The following RFPL4B variants were observed in gnomAD, a reference collection of about 807,000 sequenced individuals.
RFPL4B encodes the protein ret finger protein-like 4B.
For synonymous variants in RFPL4B, 118 were observed against 126.3 expected, an observed-to-expected ratio of 0.93 and a Z score of 0.44; for missense variants, 314 against 327.7, an observed-to-expected ratio of 0.96 and a Z score of 0.32.
At position 112,349,310 on chromosome 6, in the gene RFPL4B, T is replaced by G; in HGVS notation, c.-117T>G. On this transcript the variant is annotated 5_prime_UTR_variant, in exon 2 of 3. Transcript: ENST00000441065. Reference sequence around the variant, plus strand: ...GAGCAGCCAACACATCACCTGGAAGTCTTCAGACTAGGTAAGCTGCACTGT... The same window carrying G: ...GAGCAGCCAACACATCACCTGGAAGGCTTCAGACTAGGTAAGCTGCACTGT... 1 of 152,352 alleles carries G rather than the reference T, an allele frequency of 6.6e-6. No homozygotes were observed. Among genetic ancestry groups the G allele is most frequent in the Non-Finnish European group, 1.5e-5 (1 of 68,212 alleles). 9.4% of individuals were successfully genotyped at this position (152,352 alleles called of 1,614,324 possible). A position where few individuals can be genotyped will look rare whatever the true frequency, so the allele number is the denominator to read the frequency against.
chr6:112,347,483 C>T (rs977592874), intron 1 of RFPL4B, 76 bp downstream of exon 1: 3 of 152,154 alleles, frequency 2.0e-5, no homozygotes, highest in Admixed American at 2.0e-4. Flanking sequence ...TTTTCGAATG[C>T]CTTTAACTAT....
At position 112,350,768 on chromosome 6, in the gene RFPL4B, T is replaced by G. The variant is rs930943732; in HGVS notation, c.*268T>G. The G allele has an allele frequency of 2.8e-6, 1 of 359,630 alleles. No individual in the cohort carries two copies. The highest frequency in any genetic ancestry group is 5.3e-6 in the Non-Finnish European group (1 of 190,396). The allele number at this position is 359,630 out of a possible 1,614,324, so 22.3% of individuals were successfully genotyped here. On this transcript the variant is annotated 3_prime_UTR_variant, in exon 3 of 3. Transcript: ENST00000441065. Reference sequence around the variant, plus strand: ...TAGTCTGTAGATGCGGATAATTGTATCTCAGTCAAACAGCTGTGGTAATTA... The same window carrying G: ...TAGTCTGTAGATGCGGATAATTGTAGCTCAGTCAAACAGCTGTGGTAATTA...
chr6:112,347,367 T>C lies in RFPL4B; in HGVS notation c.-275T>C, dbSNP rs1472475833. 6.6e-6 allele frequency: 1 copy of C among 152,196 alleles called. No individual in the cohort carries two copies. The highest frequency in any genetic ancestry group is 1.5e-5 in the Non-Finnish European group (1 of 68,042). 9.4% of individuals were successfully genotyped at this position (152,196 alleles called of 1,614,324 possible). A position where few individuals can be genotyped will look rare whatever the true frequency, so the allele number is the denominator to read the frequency against. On this transcript the variant is annotated 5_prime_UTR_variant, in exon 1 of 3. Coordinates refer to ENST00000441065, the MANE Select transcript of RFPL4B (RefSeq NM_001013734.3). Reference sequence around the variant, plus strand: ...GGTCTGTAGAGGTAGAGACGTAGGCTTCGGATCTTTTAGAATTCTGCTGGA... The same window carrying C: ...GGTCTGTAGAGGTAGAGACGTAGGCCTCGGATCTTTTAGAATTCTGCTGGA...
Position 112,349,724 on chromosome 6 carries a change from C to T in RFPL4B, c.16C>T (p.Gln6Ter). ...CTTAAGAACCATGGCCAAACGCCTG[C>T]AAGCAGAGTTGTCCTGTCCAGTTTG... MAKRL[Q>*]AELSCPVCLD... Residue 6 changes from glutamine (Q) to a stop codon, truncating the protein, a stop_gained, in exon 3 of 3, where the codon CAA becomes TAA. Coordinates refer to ENST00000441065, the MANE Select transcript of RFPL4B (RefSeq NM_001013734.3). LOFTEE classifies it low-confidence loss of function (END_TRUNC). 1 of 1,613,478 alleles carries T rather than the reference C, an allele frequency of 6.2e-7. No individual in the cohort carries two copies. The highest frequency in any genetic ancestry group is 8.5e-7 in the Non-Finnish European group (1 of 1,179,516).
intron 2 of RFPL4B, 89 bp downstream of exon 2, chr6:112,349,410 T>C (rs1789121146): frequency 6.5e-6 from 1 of 153,438 alleles, no homozygotes; most frequent in African/African-American, 2.4e-5. Context: ...AAATCATTTT[T>C]ATCACCATGA....
chr6:112,350,265 C>T lies in RFPL4B; in HGVS notation c.557C>T (p.Ala186Val), dbSNP rs1377675667. The T allele has an allele frequency of 6.2e-7, 1 of 1,614,096 alleles. No individual in the cohort carries two copies. Among genetic ancestry groups the T allele is most frequent in the Non-Finnish European group, 8.5e-7 (1 of 1,180,032 alleles). Residue 186 changes from alanine (A) to valine (V), a missense_variant, in exon 3 of 3, where the codon GCA becomes GTA. Coordinates refer to ENST00000441065, the MANE Select transcript of RFPL4B (RefSeq NM_001013734.3). ...PEHGFWISMK[A>V]GAIHANTHLE... ...CATGGCTTCTGGATCAGCATGAAGG[C>T]AGGAGCAATCCATGCTAACACCCAC...
In RFPL4B at chr6:112,350,241, A is replaced by T. The variant is rs765031322; in HGVS notation, c.533A>T (p.His178Leu). The change falls in exon 3 of 3, where the codon CAT becomes CTT. Residue 178 changes from histidine to leucine, a missense_variant. Physicochemically the swap from His to Leu is moderately conservative, Grantham distance 99 (BLOSUM62 -3). Coordinates refer to ENST00000441065, the MANE Select transcript of RFPL4B (RefSeq NM_001013734.3). ...DRKSNDLFPE[H>L]GFWISMKAGA... is the part of the protein sequence containing the mutation. The stretch of plus-strand genomic sequence containing the variant: ...AAGAGCAATGATTTATTCCCTGAGC[A>T]TGGCTTCTGGATCAGCATGAAGGCA... The T allele has an allele frequency of 1.2e-6, 2 of 1,614,210 alleles. No individual in the cohort carries two copies. The highest frequency in any genetic ancestry group is 2.2e-5 in the East Asian group (1 of 44,884).
At chr6:112,347,751 G>T (rs752741183) in intron 1 of RFPL4B, among the ~76,000 whole-genome samples, 1 of 152,250 alleles carries the variant, frequency 6.6e-6, no homozygotes, top group African/African-American at 2.4e-5. Context: ...GGAGGCTGAG[G>T]TGGGTGGATC....
intron 2 of RFPL4B, 52 bp from the exon 3 acceptor site, chr6:112,349,552 A>C: frequency 3.4e-6 from 1 of 291,248 alleles, no homozygotes; most frequent in Non-Finnish European, 6.5e-6. Context: ...TAATTCATTT[A>C]TGTATGCCAA....
Position 112,350,550 on chromosome 6 carries a change from G to A in RFPL4B, c.*50G>A, listed in dbSNP as rs780658723. On this transcript the variant is annotated 3_prime_UTR_variant, in exon 3 of 3. Coordinates refer to ENST00000441065, the MANE Select transcript of RFPL4B (RefSeq NM_001013734.3). ...TTCTGAGAGGTGAAAGAGAATTTTGGCCTGAGAAAGGTCAGCATGATTGAG... is the reference window on the plus strand; with the variant it reads ...TTCTGAGAGGTGAAAGAGAATTTTGACCTGAGAAAGGTCAGCATGATTGAG... 1 of 1,438,302 alleles carries A rather than the reference G, an allele frequency of 7.0e-7. No individual in the cohort carries two copies. Among genetic ancestry groups the A allele is most frequent in the African/African-American group, 1.4e-5 (1 of 70,246 alleles). The allele number at this position is 1,438,302 out of a possible 1,614,324, so 89.1% of individuals were successfully genotyped here. A position where few individuals can be genotyped will look rare whatever the true frequency, so the allele number is the denominator to read the frequency against.
chr6:112,350,622 T>A lies in RFPL4B; in HGVS notation c.*122T>A. The A allele has an allele frequency of 1.3e-6, 1 of 770,306 alleles. No individual in the cohort carries two copies. The highest frequency in any genetic ancestry group is 2.0e-6 in the Non-Finnish European group (1 of 499,240). 47.7% of individuals were successfully genotyped at this position (770,306 alleles called of 1,614,324 possible). ...GCAAAGACTTGGTAAATTTTTAAAG[T>A]AGATTTTGTAGACTTTGTAGCAAAA... is the stretch of plus-strand genomic sequence containing the variant. On this transcript the variant is annotated 3_prime_UTR_variant, in exon 3 of 3. Transcript: ENST00000441065.
chr6:112,348,721 G>T (rs1437897786), intron 1 of RFPL4B, among the ~76,000 whole-genome samples: 2 of 152,096 alleles, frequency 1.3e-5, no homozygotes, highest in East Asian at 3.9e-4. Flanking sequence ...TTGGGTCATG[G>T]GTCTAGCCTG....
At chr6:112,349,381 T>C (rs1789120421) in intron 2 of RFPL4B, 60 bp downstream of exon 2, 2 of 153,146 alleles carry the variant, frequency 1.3e-5, no homozygotes, top group Non-Finnish European at 2.9e-5. Context: ...TGTGATTATC[T>C]AGAGTTTGAA....
rs755812798 is a variant in RFPL4B, at chr6:112,350,054, A to G, written c.346A>G (p.Ser116Gly). The stretch of plus-strand genomic sequence containing the variant: ...CCTTGTCTTCTCCAATGATCTAAGA[A>G]GCGCTCAGTGTAAGAAGATCCACCA... ...SLLVFSNDLRSAQCKKIHHDL... is the reference protein window; with the variant it reads ...SLLVFSNDLRGAQCKKIHHDL... Residue 116 changes from serine (S) to glycine (G), a missense_variant, in exon 3 of 3, where the codon AGC (serine) becomes GGC (glycine). Transcript: ENST00000441065. The G allele has an allele frequency of 1.1e-5, 18 of 1,614,196 alleles. No individual in the cohort carries two copies. The South Asian group carries it at 1.5e-4, about 14-fold the overall frequency.
At position 112,350,192 on chromosome 6, in the gene RFPL4B, G is replaced by C. The variant is rs149053311; in HGVS notation, c.484G>C (p.Val162Leu). 1.2e-6 allele frequency: 2 copies of C among 1,614,180 alleles called. No homozygotes were observed. The highest frequency in any genetic ancestry group is 1.7e-6 in the Non-Finnish European group (2 of 1,180,048). Residue 162 changes from valine (V) to leucine (L), a missense_variant, in exon 3 of 3, where the codon GTC becomes CTC. Val to Leu is a conservative substitution (Grantham distance 32, BLOSUM62 1). Transcript: ENST00000441065. ...VGEVKSWSLG[V>L]CKEPADRKSN... ...AGAGGTGAAGTCATGGTCCCTGGGCGTCTGCAAGGAGCCGGCTGACAGAAA... is the reference window on the plus strand; with the variant it reads ...AGAGGTGAAGTCATGGTCCCTGGGCCTCTGCAAGGAGCCGGCTGACAGAAA...
chr6:112,348,558 C>T (rs1396889158), intron 1 of RFPL4B, among the ~76,000 whole-genome samples: 3 of 152,206 alleles, frequency 2.0e-5, no homozygotes, highest in Non-Finnish European at 4.4e-5. Context: ...TCTTTCTGTC[C>T]CTCATTCTGT....
Position 112,349,800 on chromosome 6 carries a change from G to A in RFPL4B, c.92G>A (p.Cys31Tyr). The change falls in exon 3 of 3, where the codon TGC becomes TAC. Residue 31 changes from cysteine (C) to tyrosine (Y), a missense_variant. Physicochemically the swap from Cys to Tyr is radical, Grantham distance 194 (BLOSUM62 -2). Transcript: ENST00000441065. ...TCTCTCTCTTGTACACACGTGTTCT[G>A]CTTTGATTGCATCCAGAGGTATATA... ...SISLSCTHVF[C>Y]FDCIQRYILE... The A allele has an allele frequency of 6.2e-7, 1 of 1,614,052 alleles. No individual in the cohort carries two copies. The highest frequency in any genetic ancestry group is 1.1e-5 in the South Asian group (1 of 91,080).
Position 112,351,261 on chromosome 6 carries a change from A to C in RFPL4B, c.*761A>C, listed in dbSNP as rs1419441500. The C allele has an allele frequency of 1.2e-5, 2 of 166,110 alleles. No homozygotes were observed. Among genetic ancestry groups the C allele is most frequent in the Non-Finnish European group, 2.9e-5 (2 of 68,112 alleles). The allele number at this position is 166,110 out of a possible 1,614,324, so 10.3% of individuals were successfully genotyped here. On this transcript the variant is annotated 3_prime_UTR_variant, in exon 3 of 3. Coordinates refer to ENST00000441065, the MANE Select transcript of RFPL4B (RefSeq NM_001013734.3). ...TGCTTTTGGATTTTTTATTTGTAGA[A>C]TTTATTTTCTTGCAAATAAATTTAT...
chr6:112,347,874 C>T (rs1466215191), intron 1 of RFPL4B, among the ~76,000 whole-genome samples: 3 of 151,632 alleles, frequency 2.0e-5, no homozygotes, highest in Non-Finnish European at 2.9e-5. Context: ...CTCAGGAGAC[C>T]GAGGCAGGAG....
Sources: gnomAD v4.1 joint callset for allele counts (sites outside exome capture counted in the v4.1 genomes callset) on GRCh38, gnomAD v4.1.1 for gene constraint, MANE v1.5 for transcripts, NCBI Gene and HGNC (gene_info 2026-07-23, HGNC 2026-07-21) for gene names.